Variants in STEAP1B observed in about 807,000 individuals in gnomAD.
The protein encoded by STEAP1B is STEAP family member 1B.
STEAP1B carries 13 observed loss-of-function variants against 27.9 expected under a neutral mutation model. That is an observed-to-expected ratio of 0.47 (90% confidence interval 0.30 to 0.74). STEAP1B has a LOEUF of 0.74. STEAP1B is among the 30% of genes least tolerant of loss of function. The pLI, the probability that STEAP1B is intolerant of heterozygous loss-of-function variation, is 0.06. For synonymous variants in STEAP1B, 86 were observed against 107.1 expected, an observed-to-expected ratio of 0.80 and a Z score of 1.22; for missense variants, 250 against 298.7, an observed-to-expected ratio of 0.84 and a Z score of 1.20.
intron 4 of STEAP1B, among the ~76,000 whole-genome samples, chr7:22,470,096 C>T (rs911538346): frequency 1.3e-5 from 2 of 152,166 alleles, no homozygotes; most frequent in Non-Finnish European, 2.9e-5. Context: ...ACATCCATTG[C>T]CCATATCTTG....
intron 4 of STEAP1B, among the ~76,000 whole-genome samples, chr7:22,444,158 C>T (rs548492566): frequency 6.6e-6 from 1 of 152,346 alleles, no homozygotes; most frequent in South Asian, 2.1e-4. Context: ...CCATCCTCAT[C>T]CTAGGACAAA....
intron 4 of STEAP1B, among the ~76,000 whole-genome samples, chr7:22,491,379 AAT>A (rs1318080473): frequency 1.3e-5 from 2 of 152,260 alleles, no homozygotes; most frequent in Admixed American, 6.5e-5. Context: ...ATGGCTAGAT[AAT>A]ATGTGTTACT....
intron 4 of STEAP1B, among the ~76,000 whole-genome samples, chr7:22,476,418 A>G (rs73085106): frequency 0.11 from 16,998 of 152,196 alleles, 1,097 homozygotes; most frequent in Non-Finnish European, 0.15. Flanking sequence ...GGTGGGCTGG[A>G]CAGGAGAACT....
intron 4 of STEAP1B, among the ~76,000 whole-genome samples, chr7:22,445,466 C>A (rs1460536093): frequency 2.6e-5 from 4 of 152,246 alleles, no homozygotes; most frequent in Non-Finnish European, 4.4e-5. Flanking sequence ...CTTGTGAGAA[C>A]CGGGCAGGAA....
chr7:22,481,067 G>C (rs73085122), intron 4 of STEAP1B, among the ~76,000 whole-genome samples: 13,818 of 152,298 alleles, frequency 0.091, 739 homozygotes, highest in Non-Finnish European at 0.12. Flanking sequence ...GGCTCTGTGA[G>C]GGGAGGTCAC....
chr7:22,487,478 T>C (rs990703710), intron 4 of STEAP1B, among the ~76,000 whole-genome samples: 3 of 150,330 alleles, frequency 2.0e-5, no homozygotes, highest in Admixed American at 6.6e-5. Flanking sequence ...GAAAAAAAAA[T>C]GTCTTGCAAA....
intron 4 of STEAP1B, among the ~76,000 whole-genome samples, chr7:22,470,854 C>T (rs1190553636): frequency 1.3e-5 from 2 of 152,034 alleles, no homozygotes; most frequent in Non-Finnish European, 2.9e-5. Flanking sequence ...GCAACTGAGA[C>T]TAAAATTATC....
chr7:22,480,338 C>T (rs78636837), intron 4 of STEAP1B, among the ~76,000 whole-genome samples: 1 of 152,300 alleles, frequency 6.6e-6, no homozygotes, highest in East Asian at 1.9e-4. Context: ...GATTTGCTTC[C>T]TGAGGACCAA....
At chr7:22,486,834 C>G (rs1786217909) in intron 4 of STEAP1B, among the ~76,000 whole-genome samples, 1 of 152,060 alleles carries the variant, frequency 6.6e-6, no homozygotes, top group South Asian at 2.1e-4. Flanking sequence ...TGTTTCAGGG[C>G]CTTCACTCAG....
chr7:22,479,842 C>T (rs1415727107), intron 4 of STEAP1B, among the ~76,000 whole-genome samples: 6 of 151,844 alleles, frequency 4.0e-5, no homozygotes, highest in South Asian at 2.1e-4. Flanking sequence ...ACACCGGCGA[C>T]GCCCAGCCGA....
intron 4 of STEAP1B, among the ~76,000 whole-genome samples, chr7:22,437,844 G>GAT (rs1202664052): frequency 2.0e-5 from 3 of 152,146 alleles, no homozygotes; most frequent in African/African-American, 7.2e-5. Context: ...GCGTAACTCT[G>GAT]ATAATTAGTG....
intron 4 of STEAP1B, among the ~76,000 whole-genome samples, chr7:22,477,434 T>C (rs1266228752): frequency 6.6e-6 from 1 of 152,178 alleles, no homozygotes; most frequent in Non-Finnish European, 1.5e-5. Context: ...ACATATTATC[T>C]AACCACTGAG....
intron 4 of STEAP1B, among the ~76,000 whole-genome samples, chr7:22,463,498 G>C (rs1329182957): frequency 6.6e-6 from 1 of 152,184 alleles, no homozygotes; most frequent in Non-Finnish European, 1.5e-5. Context: ...GCATCGCCAA[G>C]TCAATCCTGA....
At chr7:22,454,669 C>T (rs993238271) in intron 4 of STEAP1B, among the ~76,000 whole-genome samples, 11 of 151,570 alleles carry the variant, frequency 7.3e-5, no homozygotes, top group African/African-American at 2.4e-4. Flanking sequence ...TGTGCACGGC[C>T]GAGGCTGCAG....
At chr7:22,480,307 T>C (rs1349212811) in intron 4 of STEAP1B, among the ~76,000 whole-genome samples, 2 of 152,222 alleles carry the variant, frequency 1.3e-5, no homozygotes, top group Admixed American at 6.5e-5. Flanking sequence ...AGCATTTTTC[T>C]TTCTTTTGAA....
chr7:22,457,102 C>A (rs1312651673), intron 4 of STEAP1B, among the ~76,000 whole-genome samples: 1 of 150,306 alleles, frequency 6.7e-6, no homozygotes, highest in Non-Finnish European at 1.5e-5. Context: ...TAACAAAAGG[C>A]CGAGTCTCTA....
rs75846761 is a variant in STEAP1B, at chr7:22,447,078, C to T, written c.763-27242G>A. On this transcript the variant is annotated intron_variant, in intron 4 of 4. Coordinates refer to ENST00000678116, the MANE Select transcript of STEAP1B (RefSeq NM_001382447.1). ...GTAAATGTCTGAAGAGCTCAGTGAG[C>T]ACTCTTGATGTTAAAGATGACTGGT... Among the ~76,000 whole-genome samples the T allele has an allele frequency of 2.7e-3, 408 of 152,294 alleles. 3 individuals are homozygous for T. The highest frequency in any genetic ancestry group is 0.01 in the East Asian group (52 of 5,194).
At chr7:22,454,828 TA>T (rs1785545927) in intron 4 of STEAP1B, among the ~76,000 whole-genome samples, 5 of 9,356 alleles carry the variant, frequency 5.3e-4, no homozygotes, top group African/African-American at 1.3e-3. Flanking sequence ...AAGAAAATAT[TA>T]TATATATATA....
chr7:22,438,377 T>A lies in STEAP1B; in HGVS notation c.763-18541A>T. The A allele has an allele frequency of 6.6e-6, 8 of 1,214,890 alleles. No individual in the cohort carries two copies. In the South Asian group the frequency reaches 1.3e-4, roughly 19 times the overall value. 75.3% of individuals were successfully genotyped at this position (1,214,890 alleles called of 1,614,324 possible). ...GTTAGTGAAGATTGCATTAAAATAA[T>A]TGGAGTAAGTTTGGTAGATGTCCAC... On this transcript the variant is annotated intron_variant, in intron 4 of 4. Coordinates refer to ENST00000678116, the MANE Select transcript of STEAP1B (RefSeq NM_001382447.1).
Sources: allele counts gnomAD v4.1 joint callset (sites outside exome capture counted in the v4.1 genomes callset), GRCh38; gene constraint gnomAD v4.1.1; transcripts MANE v1.5; gene names NCBI Gene and HGNC (gene_info 2026-07-23, HGNC 2026-07-21).